Variants in ANKS1A observed in about 807,000 individuals in gnomAD.
ANKS1A encodes the protein ankyrin repeat and SAM domain-containing protein 1A.
In ANKS1A, 55 loss-of-function variants were observed where a neutral mutation model predicts 120.3. The observed-to-expected ratio is 0.46, with a 90% confidence interval of 0.37 to 0.57. The LOEUF is 0.57. Ranked by LOEUF, ANKS1A falls within the 20% of genes least tolerant of loss-of-function variation. The pLI is 0.00. For missense variants in ANKS1A, 1,123 were observed against 1,480.3 expected (o/e 0.76, Z 3.96); for synonymous variants, 590 against 604.7 (o/e 0.98, Z 0.36).
In ANKS1A at chr6:35,020,313, A is replaced by G. The variant is rs577919614; in HGVS notation, c.2010+2254A>G. Among the ~76,000 whole-genome samples, 201 of 152,364 alleles carry G rather than the reference A, an allele frequency of 1.3e-3. 1 individual carries two copies. The highest frequency in any genetic ancestry group is 4.6e-3 in the African/African-American group (191 of 41,576). On this transcript the variant is annotated intron_variant, in intron 11 of 23. Coordinates refer to ENST00000360359, the MANE Select transcript of ANKS1A (RefSeq NM_015245.3). ...TACTTACATATAGCATTTACATTGT[A>G]TCAGGTATTATAAGTAAACTAGAGA...
chr6:34,952,636 T>C (rs1240172756), intron 1 of ANKS1A, among the ~76,000 whole-genome samples: 1 of 152,160 alleles, frequency 6.6e-6, no homozygotes, highest in Non-Finnish European at 1.5e-5. Context: ...GTGATATGAG[T>C]CTGTACAAAT....
At chr6:34,903,443 G>A (rs1767468658) in intron 1 of ANKS1A, among the ~76,000 whole-genome samples, 1 of 150,264 alleles carries the variant, frequency 6.7e-6, no homozygotes, top group Non-Finnish European at 1.5e-5. Flanking sequence ...ACCTCACTCA[G>A]TCTTTTGAGT....
At position 34,913,960 on chromosome 6, in the gene ANKS1A, C is replaced by T. The variant is rs370885091; in HGVS notation, c.197+24361C>T. Among the ~76,000 whole-genome samples, 5 of 151,858 alleles carry T rather than the reference C, an allele frequency of 3.3e-5. No individual in the cohort carries two copies. In the South Asian group the frequency reaches 6.2e-4, roughly 19 times the overall value. On this transcript the variant is annotated intron_variant, in intron 1 of 23. Transcript: ENST00000360359. Reference sequence around the variant, plus strand: ...TGAGATGGAGTCTCGCTCTGTTGCCCAGGCTGGAGTGCAGTGGCGTGATCT... The same window carrying T: ...TGAGATGGAGTCTCGCTCTGTTGCCTAGGCTGGAGTGCAGTGGCGTGATCT...
At chr6:34,978,049 C>T (rs1301734144) in intron 3 of ANKS1A, among the ~76,000 whole-genome samples, 1 of 152,008 alleles carries the variant, frequency 6.6e-6, no homozygotes, top group Non-Finnish European at 1.5e-5. Flanking sequence ...ACCTCTGCCT[C>T]CCAGGTTTAA....
chr6:35,095,370 C>T (rs1465596234), downstream of ANKS1A, among the ~76,000 whole-genome samples: 3 of 151,600 alleles, frequency 2.0e-5, no homozygotes, highest in Non-Finnish European at 4.4e-5. Context: ...GCCAAGAGTT[C>T]GAGACCAGCC....
intron 7 of ANKS1A, among the ~76,000 whole-genome samples, chr6:34,983,978 TAG>T (rs1333203195): frequency 1.3e-5 from 2 of 152,014 alleles, no homozygotes; most frequent in Non-Finnish European, 2.9e-5. Flanking sequence ...GTATTTTTAG[TAG>T]AGACAGGGTT....
At chr6:35,024,584 C>T (rs1274237496) in intron 11 of ANKS1A, among the ~76,000 whole-genome samples, 3 of 152,178 alleles carry the variant, frequency 2.0e-5, no homozygotes. Flanking sequence ...ATTTCTGGCA[C>T]AGGATTTTGG....
At chr6:35,070,320 C>T (rs1561954288) in intron 13 of ANKS1A, among the ~76,000 whole-genome samples, 1 of 152,018 alleles carries the variant, frequency 6.6e-6, no homozygotes, top group Non-Finnish European at 1.5e-5. Flanking sequence ...CCATCTCACC[C>T]CTTCCCTTTC....
chr6:34,902,436 C>T (rs771651549), intron 1 of ANKS1A, among the ~76,000 whole-genome samples: 11 of 151,848 alleles, frequency 7.2e-5, no homozygotes, highest in African/African-American at 1.2e-4. Flanking sequence ...TTAGTAGAGA[C>T]GGGATTTCTC....
At chr6:34,946,560 C>G (rs1188959181) in intron 1 of ANKS1A, among the ~76,000 whole-genome samples, 1 of 151,322 alleles carries the variant, frequency 6.6e-6, no homozygotes, top group Non-Finnish European at 1.5e-5. Flanking sequence ...TGCACTCCAT[C>G]CTGGGTGACA....
At chr6:34,957,740 CAGG>C (rs1267446786) in intron 1 of ANKS1A, among the ~76,000 whole-genome samples, 1 of 152,170 alleles carries the variant, frequency 6.6e-6, no homozygotes, top group Non-Finnish European at 1.5e-5. Flanking sequence ...AGAACTAATG[CAGG>C]AGGAGACCCA....
chr6:35,054,063 G>T lies in ANKS1A; in HGVS notation c.2011-36G>T, dbSNP rs371482604. 6 of 1,594,578 alleles carry T rather than the reference G, an allele frequency of 3.8e-6. No individual in the cohort carries two copies. The African/African-American group carries it at 6.7e-5, about 18-fold the overall frequency. ...AGCTGGTAAGGTTTACCCCAAGCCTGACTGCCTCTCCTCTTTGTTCTTTCT... is the reference window on the plus strand; with the variant it reads ...AGCTGGTAAGGTTTACCCCAAGCCTTACTGCCTCTCCTCTTTGTTCTTTCT... On this transcript the variant is annotated intron_variant, in intron 11 of 23. Coordinates refer to ENST00000360359, the MANE Select transcript of ANKS1A (RefSeq NM_015245.3).
intron 10 of ANKS1A, among the ~76,000 whole-genome samples, chr6:35,004,117 TG>T (rs1422307787): frequency 6.6e-6 from 1 of 151,490 alleles, no homozygotes; most frequent in Non-Finnish European, 1.5e-5. Flanking sequence ...TACCCCTGTT[TG>T]CTCAGTCGAT....
chr6:34,967,541 A>ATTT lies in ANKS1A; in HGVS notation c.278+227_278+229dup, dbSNP rs1159802174. ...TCTCCACAAAAAAAAAAAAAAAAAA[A>ATTT]TTTTTTTAATTAATCAGGCGTGGTA... is the stretch of plus-strand genomic sequence containing the variant. On this transcript the variant is annotated intron_variant, in intron 2 of 23. Coordinates refer to ENST00000360359, the MANE Select transcript of ANKS1A (RefSeq NM_015245.3). Among the ~76,000 whole-genome samples the ATTT allele has an allele frequency of 2.6e-4, 38 of 147,218 alleles. No individual in the cohort carries two copies. In the East Asian group the frequency reaches 6.8e-3, roughly 26 times the overall value.
chr6:34,942,848 CT>C (rs1195365473), intron 1 of ANKS1A, among the ~76,000 whole-genome samples: 1 of 151,190 alleles, frequency 6.6e-6, no homozygotes, highest in Non-Finnish European at 1.5e-5. Flanking sequence ...CCCCATCCTT[CT>C]TTTCTTTTCT....
intron 7 of ANKS1A, among the ~76,000 whole-genome samples, chr6:34,984,554 A>G (rs979992963): frequency 4.6e-5 from 7 of 152,200 alleles, no homozygotes; most frequent in Non-Finnish European, 8.8e-5. Flanking sequence ...CAGGTGACCC[A>G]GAGTTGCCTG....
chr6:35,053,709 C>T (rs1581705312), intron 11 of ANKS1A, among the ~76,000 whole-genome samples: 1 of 152,384 alleles, frequency 6.6e-6, no homozygotes, highest in Middle Eastern at 3.4e-3. Context: ...TCTTCACTCT[C>T]ATGGAATTGA....
At chr6:34,995,773 T>G (rs1239249514) in intron 10 of ANKS1A, among the ~76,000 whole-genome samples, 4 of 152,230 alleles carry the variant, frequency 2.6e-5, no homozygotes, top group Admixed American at 2.0e-4. Flanking sequence ...TATCCCATTG[T>G]GTGGATATAC....
At chr6:35,061,081 T>C (rs767976523) in intron 13 of ANKS1A, among the ~76,000 whole-genome samples, 69 of 152,180 alleles carry the variant, frequency 4.5e-4, no homozygotes, top group Non-Finnish European at 8.4e-4. Flanking sequence ...CCGTTCTTAG[T>C]GGTTTGCGTG....
Sources: gnomAD v4.1 joint callset for allele counts (sites outside exome capture counted in the v4.1 genomes callset) on GRCh38, gnomAD v4.1.1 for gene constraint, MANE v1.5 for transcripts, NCBI Gene and HGNC (gene_info 2026-07-23, HGNC 2026-07-21) for gene names.